The following GTF2B variants were observed in gnomAD, a reference collection of about 807,000 sequenced individuals.
The protein encoded by GTF2B is general transcription factor IIB, also known as transcription initiation factor IIB.
Under a neutral mutation model 34.6 loss-of-function variants are expected in GTF2B, and 20 were observed. The ratio of observed to expected loss-of-function variants is 0.58; its 90% CI spans 0.41 to 0.84. The LOEUF is 0.84. Among genes scored for constraint, GTF2B ranks in the 40% least tolerant of loss-of-function variants. GTF2B has a pLI of 0.00. For synonymous variants in GTF2B, 142 were observed against 132.4 expected (o/e 1.07, Z -0.50); for missense variants, 237 against 393.3 (o/e 0.60, Z 3.36).
chr1:88,887,328 T>A lies in GTF2B; in HGVS notation c.57A>T (p.Pro19=), dbSNP rs372248430. 1.6e-5 allele frequency: 25 copies of A among 1,612,514 alleles called. No homozygotes were observed. Among genetic ancestry groups the A allele is most frequent in the African/African-American group, 2.7e-5 (2 of 74,906 alleles). Reference sequence around the variant, plus strand: ...TGTAGTCCTCCACTAAAATCGCATCTGGATGGTTTGGACATGTGACTCTTG... The same window carrying A: ...TGTAGTCCTCCACTAAAATCGCATCAGGATGGTTTGGACATGTGACTCTTG... ...ALPRVTCPNH[P]DAILVEDYRA... is the part of the protein sequence containing the mutation. Residue 19 remains proline, a synonymous_variant, in exon 2 of 7, where the codon CCA becomes CCT. Coordinates refer to ENST00000370500, the MANE Select transcript of GTF2B (RefSeq NM_001514.6).
intron 2 of GTF2B, among the ~76,000 whole-genome samples, chr1:88,874,572 G>GC (rs1332489998): frequency 7.4e-6 from 1 of 134,910 alleles, no homozygotes; most frequent in Non-Finnish European, 1.5e-5. Flanking sequence ...TGAACTCCTG[G>GC]CCCCAAGTGA....
At chr1:88,880,134 T>C (rs894903848) in intron 2 of GTF2B, among the ~76,000 whole-genome samples, 5 of 152,234 alleles carry the variant, frequency 3.3e-5, no homozygotes, top group Non-Finnish European at 7.3e-5. Context: ...AAATGTTTAC[T>C]GAATTAATAT....
At chr1:88,858,297 C>T (rs1673364646) in intron 5 of GTF2B, among the ~76,000 whole-genome samples, 1 of 152,124 alleles carries the variant, frequency 6.6e-6, no homozygotes, top group African/African-American at 2.4e-5. Context: ...TCGTGCCTGG[C>T]TAAATTTAGG....
At chr1:88,891,298 C>A (rs1674198330) in intron 1 of GTF2B, among the ~76,000 whole-genome samples, 185 bp downstream of exon 1, 1 of 152,194 alleles carries the variant, frequency 6.6e-6, no homozygotes. Flanking sequence ...AGCTCGGTAA[C>A]CCCTGCGACA....
chr1:88,856,272 C>CAAAAAAAAACAAA, intron 6 of GTF2B, among the ~76,000 whole-genome samples: 1 of 50,038 alleles, frequency 2.0e-5, no homozygotes, highest in Non-Finnish European at 3.4e-5. Flanking sequence ...GTTTCAAAAA[C>CAAAAAAAAACAAA]AAAAAAAAAA....
intron 2 of GTF2B, among the ~76,000 whole-genome samples, chr1:88,869,141 T>C (rs1015929705): frequency 7.9e-5 from 12 of 152,238 alleles, no homozygotes; most frequent in Non-Finnish European, 1.3e-4. Flanking sequence ...TTTTTCTTGC[T>C]ATTATTCCCT....
In GTF2B at chr1:88,871,627, G is replaced by A. The variant is rs996811983; in HGVS notation, c.125-7513C>T. Among the ~76,000 whole-genome samples the A allele has an allele frequency of 3.3e-5, 5 of 152,212 alleles. No homozygotes were observed. The East Asian group carries it at 9.6e-4, about 29-fold the overall frequency. On this transcript the variant is annotated intron_variant, in intron 2 of 6. Coordinates refer to ENST00000370500, the MANE Select transcript of GTF2B (RefSeq NM_001514.6). ...CCTCAAGGAGAACCAAAAACGTTAAGGGAATAGTCATTAGTGCTGTTCCAA... is the reference window on the plus strand; with the variant it reads ...CCTCAAGGAGAACCAAAAACGTTAAAGGAATAGTCATTAGTGCTGTTCCAA...
intron 2 of GTF2B, among the ~76,000 whole-genome samples, chr1:88,879,176 TGACA>T (rs1673875724): frequency 6.6e-6 from 1 of 152,102 alleles, no homozygotes; most frequent in Non-Finnish European, 1.5e-5. Context: ...GAAGGAGGTT[TGACA>T]GACAATGAGA....
chr1:88,868,487 A>T (rs1370885423), intron 2 of GTF2B, among the ~76,000 whole-genome samples: 2 of 151,294 alleles, frequency 1.3e-5, no homozygotes, highest in Non-Finnish European at 2.9e-5. Flanking sequence ...AACGCACCCA[A>T]TATGTGTATT....
In GTF2B at chr1:88,880,978, C is replaced by T. The variant is rs185980030; in HGVS notation, c.124+6283G>A. ...AAGCCGAGATCATGCCACTGCACTC[C>T]GGCCTGGGTGACAGAGCGAGATGCT... On this transcript the variant is annotated intron_variant, in intron 2 of 6. Transcript: ENST00000370500. Among the ~76,000 whole-genome samples the T allele has an allele frequency of 2.3e-3, 327 of 145,098 alleles. 2 individuals are homozygous for T. Among genetic ancestry groups the T allele is most frequent in the African/African-American group, 8.4e-3 (321 of 38,166 alleles).
chr1:88,857,276 G>C lies in GTF2B; in HGVS notation c.747C>G (p.Ser249Arg). 2 of 1,613,834 alleles carry C rather than the reference G, an allele frequency of 1.2e-6. No individual in the cohort carries two copies. The highest frequency in any genetic ancestry group is 1.7e-6 in the Non-Finnish European group (2 of 1,179,762). Residue 249 changes from serine (S) to arginine (R), a missense_variant, in exon 6 of 7, where the codon AGC (serine) becomes AGG (arginine). Ser to Arg is a moderately radical substitution (Grantham distance 110). Around this residue, in one of 3 missense-constraint regions of GTF2B, gnomAD observed 78 missense variants for 116.6 expected, o/e 0.67. Coordinates refer to ENST00000370500, the MANE Select transcript of GTF2B (RefSeq NM_001514.6). ...TAGCTGCCGCTGCCACAGAGATGGGGCTCCTCCCAGGAACCAAGTCCAGTT... is the reference window on the plus strand; with the variant it reads ...TAGCTGCCGCTGCCACAGAGATGGGCCTCCTCCCAGGAACCAAGTCCAGTT... ...AVELDLVPGR[S>R]PISVAAAAIY...
At chr1:88,876,606 G>A (rs371751628) in intron 2 of GTF2B, among the ~76,000 whole-genome samples, 1 of 152,254 alleles carries the variant, frequency 6.6e-6, no homozygotes, top group Non-Finnish European at 1.5e-5. Context: ...ACCTGAGCCT[G>A]AGAGGTCAAG....
At chr1:88,886,978 G>C (rs1303311287) in intron 2 of GTF2B, among the ~76,000 whole-genome samples, 2 of 151,890 alleles carry the variant, frequency 1.3e-5, no homozygotes, top group African/African-American at 4.8e-5. Flanking sequence ...GAGTGCAGTG[G>C]CACGATCTCG....
intron 5 of GTF2B, among the ~76,000 whole-genome samples, chr1:88,858,043 T>C (rs1673358232): frequency 1.3e-5 from 2 of 151,966 alleles, no homozygotes; most frequent in Non-Finnish European, 2.9e-5. Flanking sequence ...TTTCACTCTG[T>C]CGTCCAGACT....
At chr1:88,876,625 G>T (rs1000863523) in intron 2 of GTF2B, among the ~76,000 whole-genome samples, 1 of 152,082 alleles carries the variant, frequency 6.6e-6, no homozygotes, top group Non-Finnish European at 1.5e-5. Context: ...AGGTTGCGGT[G>T]AGCCATAATC....
At chr1:88,881,287 C>T (rs1233163253) in intron 2 of GTF2B, among the ~76,000 whole-genome samples, 1 of 151,920 alleles carries the variant, frequency 6.6e-6, no homozygotes, top group Non-Finnish European at 1.5e-5. Flanking sequence ...TACTATGTAG[C>T]CTAGGTGTGT....
intron 2 of GTF2B, among the ~76,000 whole-genome samples, chr1:88,876,601 A>G (rs1673822780): frequency 1.3e-5 from 2 of 152,150 alleles, no homozygotes; most frequent in African/African-American, 4.8e-5. Context: ...AGGCTACCTG[A>G]GCCTGAGAGG....
At chr1:88,888,575 CA>C (rs1245016210) in intron 1 of GTF2B, among the ~76,000 whole-genome samples, 1 of 152,050 alleles carries the variant, frequency 6.6e-6, no homozygotes, top group Non-Finnish European at 1.5e-5. Flanking sequence ...ACAGTAATTA[CA>C]AATTAGTAAA....
At chr1:88,890,025 C>A (rs2100983402) in intron 1 of GTF2B, among the ~76,000 whole-genome samples, 1 of 152,002 alleles carries the variant, frequency 6.6e-6, no homozygotes, top group South Asian at 2.1e-4. Context: ...CAGGCCTGTT[C>A]CATAAAATAA....
Sources: allele counts gnomAD v4.1 joint callset (sites outside exome capture counted in the v4.1 genomes callset), GRCh38; gene constraint gnomAD v4.1.1; regional missense constraint gnomAD v4.1.1; transcripts MANE v1.5; gene names NCBI Gene and HGNC (gene_info 2026-07-23, HGNC 2026-07-21).